Variants in GPR158 observed in about 807,000 individuals in gnomAD.
GPR158 encodes the protein G protein-coupled receptor 158, also known as metabotropic glycine receptor.
Under a neutral mutation model 78.2 loss-of-function variants are expected in GPR158, and 30 were observed. The observed-to-expected ratio is 0.38, with a 90% CI of 0.29 to 0.52. The LOEUF (loss-of-function observed/expected upper bound fraction) is 0.52, where lower values mean the gene tolerates loss of function less well. GPR158 is among the 20% of genes least tolerant of loss of function. The probability of loss-of-function intolerance (pLI) is 0.83; values close to 1 mark genes in which losing one functional copy is unlikely to be tolerated. For synonymous variants in GPR158, 581 were observed against 591.1 expected (o/e 0.98, Z 0.25); for missense variants, 1,463 against 1,523.5 (o/e 0.96, Z 0.66).
rs1024386050 is a variant in GPR158, at chr10:25,176,410, C to T, written c.902+88C>T. ...TGGGTGCACGTGTGAGGAAGGAACC[C>T]TTGGCTGTGACGCGAACGCTTCTCA... On this transcript the variant is annotated intron_variant, in intron 1 of 10. Transcript: ENST00000376351. This position sits in a 1 kb window ranked among gnomAD's most constrained non-coding sequence, Gnocchi z 6.3. The T allele has an allele frequency of 7.6e-6, 8 of 1,049,018 alleles. No individual in the cohort carries two copies. In the African/African-American group the frequency reaches 1.3e-4, roughly 17 times the overall value. The allele number at this position is 1,049,018 out of a possible 1,614,324, so 65.0% of individuals were successfully genotyped here.
At chr10:25,544,956 T>C (rs535261127) in intron 5 of GPR158, among the ~76,000 whole-genome samples, 2 of 152,250 alleles carry the variant, frequency 1.3e-5, no homozygotes, top group African/African-American at 4.8e-5. Context: ...GAACATGCAG[T>C]GTTTGGTTTT....
At chr10:25,540,114 C>G (rs1034572478) in intron 5 of GPR158, among the ~76,000 whole-genome samples, 1 of 152,034 alleles carries the variant, frequency 6.6e-6, no homozygotes. Context: ...GAAACAACCC[C>G]ATCAATAAGT....
At chr10:25,579,360 T>A (rs1258189532) in intron 7 of GPR158, among the ~76,000 whole-genome samples, 2 of 152,206 alleles carry the variant, frequency 1.3e-5, no homozygotes, top group Non-Finnish European at 2.9e-5. Context: ...ATTTCACCCC[T>A]AGAGTCAAAT....
chr10:25,514,309 A>G (rs1453031872), intron 5 of GPR158, among the ~76,000 whole-genome samples: 2 of 152,186 alleles, frequency 1.3e-5, no homozygotes, highest in East Asian at 1.9e-4. Flanking sequence ...TTTGTCAGAA[A>G]TAAGAGTAGT....
At chr10:25,507,514 A>G (rs1003425794) in intron 5 of GPR158, among the ~76,000 whole-genome samples, 1 of 152,246 alleles carries the variant, frequency 6.6e-6, no homozygotes, top group African/African-American at 2.4e-5. Context: ...AATTCGAGAA[A>G]TCTATGCCAT....
intron 2 of GPR158, among the ~76,000 whole-genome samples, chr10:25,253,874 A>C (rs1161534064): frequency 6.6e-6 from 1 of 152,204 alleles, no homozygotes; most frequent in Non-Finnish European, 1.5e-5. Context: ...GCTCTTTGCC[A>C]ATTTTGTAAT....
At chr10:25,292,450 C>T (rs73608260) in intron 2 of GPR158, among the ~76,000 whole-genome samples, 13,527 of 151,906 alleles carry the variant, frequency 0.089, 1,014 homozygotes, top group African/African-American at 0.2. Context: ...GACTTTCCCA[C>T]GATGAGTAGA....
intron 8 of GPR158, among the ~76,000 whole-genome samples, chr10:25,592,193 A>G (rs1409835689): frequency 6.6e-6 from 1 of 151,978 alleles, no homozygotes; most frequent in Non-Finnish European, 1.5e-5. Flanking sequence ...GTATGTATAT[A>G]TACATATATA....
At chr10:25,445,601 A>T (rs750144207) in intron 4 of GPR158, among the ~76,000 whole-genome samples, 3 of 152,180 alleles carry the variant, frequency 2.0e-5, no homozygotes, top group Non-Finnish European at 4.4e-5. Context: ...TTAATTAGGG[A>T]TCTGTTATAA....
At chr10:25,432,237 C>A (rs1834920067) in intron 4 of GPR158, among the ~76,000 whole-genome samples, 1 of 151,970 alleles carries the variant, frequency 6.6e-6, no homozygotes, top group Non-Finnish European at 1.5e-5. Context: ...TCTCTATTTC[C>A]ACGAGTATTA....
At chr10:25,438,760 T>C (rs1835031306) in intron 4 of GPR158, among the ~76,000 whole-genome samples, 1 of 152,224 alleles carries the variant, frequency 6.6e-6, no homozygotes, top group African/African-American at 2.4e-5. Flanking sequence ...TCGTAGGAAC[T>C]CAGGATATTG....
chr10:25,260,410 T>A (rs1853952723), intron 2 of GPR158, among the ~76,000 whole-genome samples: 1 of 152,148 alleles, frequency 6.6e-6, no homozygotes, highest in Non-Finnish European at 1.5e-5. Context: ...TTTGCTTTTG[T>A]TAGCATGGTC....
intron 2 of GPR158, among the ~76,000 whole-genome samples, chr10:25,254,922 T>C (rs2130727193): frequency 6.6e-6 from 1 of 152,348 alleles, no homozygotes; most frequent in South Asian, 2.1e-4. Flanking sequence ...TTAATTTCAA[T>C]ACTCAGACCT....
At chr10:25,507,766 A>G (rs1836032258) in intron 5 of GPR158, among the ~76,000 whole-genome samples, 1 of 152,222 alleles carries the variant, frequency 6.6e-6, no homozygotes, top group Non-Finnish European at 1.5e-5. Flanking sequence ...CAAAGGGGAA[A>G]AGGAAAATTC....
At chr10:25,278,574 A>C (rs1227740410) in intron 2 of GPR158, among the ~76,000 whole-genome samples, 2 of 152,028 alleles carry the variant, frequency 1.3e-5, no homozygotes, top group Admixed American at 6.6e-5. Flanking sequence ...TGCTGAGTGT[A>C]TTTCACTAAC....
At chr10:25,501,994 T>A (rs1472498172) in intron 5 of GPR158, among the ~76,000 whole-genome samples, 2 of 152,130 alleles carry the variant, frequency 1.3e-5, no homozygotes, top group Non-Finnish European at 2.9e-5. Flanking sequence ...AGGGAACTGT[T>A]TCTGAGCTCT....
At chr10:25,489,439 A>G (rs933342621) in intron 5 of GPR158, among the ~76,000 whole-genome samples, 5 of 152,176 alleles carry the variant, frequency 3.3e-5, no homozygotes, top group Admixed American at 1.3e-4. Context: ...GTGAATTTGA[A>G]AAGTGTTAAG....
At chr10:25,396,558 G>A (rs1475067327) in intron 3 of GPR158, among the ~76,000 whole-genome samples, 1 of 151,980 alleles carries the variant, frequency 6.6e-6, no homozygotes, top group Non-Finnish European at 1.5e-5. Flanking sequence ...TAGCAATTTG[G>A]GTGGCTGAGG....
intron 5 of GPR158, among the ~76,000 whole-genome samples, chr10:25,476,609 A>G (rs545921852): frequency 1.3e-5 from 2 of 152,274 alleles, no homozygotes; most frequent in East Asian, 1.9e-4. Flanking sequence ...GCAAGAAGAG[A>G]GGCTGAGAGC....
Sources: gnomAD v4.1 joint callset for allele counts (sites outside exome capture counted in the v4.1 genomes callset) on GRCh38, gnomAD v4.1.1 for gene constraint, Gnocchi (gnomAD v3.1) non-coding constraint, MANE v1.5 for transcripts, NCBI Gene and HGNC (gene_info 2026-07-23, HGNC 2026-07-21) for gene names.